Variants in SPAG16 observed in about 807,000 individuals in gnomAD.
SPAG16 encodes the protein sperm-associated antigen 16 protein.
Under a neutral mutation model 80.4 loss-of-function variants are expected in SPAG16, and 86 were observed. That is an observed-to-expected ratio of 1.07 (90% CI 0.90 to 1.28). The LOEUF is 1.28. SPAG16 is among the 50% of genes most tolerant of loss of function. The pLI is 0.00. For missense variants in SPAG16, 870 were observed against 765.3 expected (o/e 1.14, Z -1.61); for synonymous variants, 294 against 265.9 (o/e 1.11, Z -1.03).
chr2:213,707,634 C>T (rs577002098), intron 10 of SPAG16, among the ~76,000 whole-genome samples: 1 of 152,244 alleles, frequency 6.6e-6, no homozygotes, highest in South Asian at 2.1e-4. Flanking sequence ...CATTCTGCCT[C>T]ATTGCCTATC....
intron 10 of SPAG16, among the ~76,000 whole-genome samples, chr2:213,797,751 T>C (rs539294209): frequency 1.3e-5 from 2 of 152,346 alleles, no homozygotes; most frequent in Admixed American, 6.5e-5. Flanking sequence ...TTTCCCAGTT[T>C]GGGGGCATTG....
intron 10 of SPAG16, among the ~76,000 whole-genome samples, chr2:213,581,569 T>C (rs1259103618): frequency 6.6e-6 from 1 of 152,036 alleles, no homozygotes; most frequent in Non-Finnish European, 1.5e-5. Context: ...TAGCCATGAA[T>C]TGTTGCTCTC....
chr2:213,297,490 G>C, intron 3 of SPAG16, 133 bp downstream of exon 3: 1 of 524,670 alleles, frequency 1.9e-6, no homozygotes, highest in Middle Eastern at 3.0e-4. Context: ...CTGTTTATTT[G>C]TGATCAAGCC....
intron 15 of SPAG16, among the ~76,000 whole-genome samples, chr2:214,224,724 G>T (rs1184224208): frequency 1.3e-5 from 2 of 152,076 alleles, no homozygotes; most frequent in Non-Finnish European, 2.9e-5. Flanking sequence ...TGTTTTACTT[G>T]TTGAAAGTAA....
At chr2:214,267,801 A>G (rs952728430) in intron 15 of SPAG16, among the ~76,000 whole-genome samples, 4 of 151,856 alleles carry the variant, frequency 2.6e-5, no homozygotes, top group Admixed American at 2.6e-4. Context: ...TAGAAAAAAA[A>G]TCCTAGAATT....
At chr2:213,851,440 G>A (rs928618283) in intron 10 of SPAG16, among the ~76,000 whole-genome samples, 22 of 152,150 alleles carry the variant, frequency 1.4e-4, no homozygotes, top group Admixed American at 1.0e-3. Context: ...CCCAGTAGGC[G>A]GAGGTTGCAG....
intron 13 of SPAG16, among the ~76,000 whole-genome samples, chr2:214,015,836 A>G (rs2047565935): frequency 6.6e-6 from 1 of 152,098 alleles, no homozygotes; most frequent in Admixed American, 6.6e-5. Flanking sequence ...CCTTTTTAGA[A>G]GATGATTTTG....
intron 10 of SPAG16, among the ~76,000 whole-genome samples, chr2:213,835,628 A>G (rs2125737262): frequency 6.6e-6 from 1 of 152,276 alleles, no homozygotes; most frequent in Admixed American, 6.5e-5. Context: ...TCAAGTGATT[A>G]CATAATGAAA....
intron 15 of SPAG16, among the ~76,000 whole-genome samples, chr2:214,380,303 T>C (rs1334284564): frequency 2.0e-5 from 3 of 152,234 alleles, no homozygotes; most frequent in Non-Finnish European, 2.9e-5. Flanking sequence ...TGCAAAATGT[T>C]TGTTAGCATT....
intron 15 of SPAG16, among the ~76,000 whole-genome samples, chr2:214,291,450 C>A (rs968306551): frequency 6.7e-6 from 1 of 149,722 alleles, no homozygotes; most frequent in African/African-American, 2.5e-5. Flanking sequence ...GGACTACAGG[C>A]GCCCGCCACT....
At chr2:213,625,144 A>G (rs760539591) in intron 10 of SPAG16, among the ~76,000 whole-genome samples, 4 of 152,116 alleles carry the variant, frequency 2.6e-5, no homozygotes, top group East Asian at 1.9e-4. Flanking sequence ...TACTTACTTC[A>G]TGTATTAGTC....
chr2:213,834,170 C>T (rs2073955171), intron 10 of SPAG16, among the ~76,000 whole-genome samples: 1 of 152,118 alleles, frequency 6.6e-6, no homozygotes, highest in Admixed American at 6.5e-5. Flanking sequence ...TGAGGCCTCC[C>T]CAGCCATGTG....
intron 11 of SPAG16, among the ~76,000 whole-genome samples, chr2:213,871,712 T>C (rs1461274344): frequency 6.6e-6 from 1 of 152,018 alleles, no homozygotes; most frequent in African/African-American, 2.4e-5. Flanking sequence ...ATTGGGTGAC[T>C]TACTGGTTCA....
intron 13 of SPAG16, among the ~76,000 whole-genome samples, chr2:214,072,411 A>T (rs993130409): frequency 6.6e-6 from 1 of 152,146 alleles, no homozygotes; most frequent in African/African-American, 2.4e-5. Flanking sequence ...CTTATTAAAC[A>T]TATAACATCA....
chr2:214,125,571 G>T (rs1222743087), intron 14 of SPAG16, among the ~76,000 whole-genome samples: 1 of 151,710 alleles, frequency 6.6e-6, no homozygotes, highest in Non-Finnish European at 1.5e-5. Flanking sequence ...AGGACAGTCT[G>T]TTAGAAATAA....
intron 9 of SPAG16, among the ~76,000 whole-genome samples, chr2:213,465,440 G>T (rs890965998): frequency 2.6e-4 from 40 of 152,190 alleles, no homozygotes; most frequent in Non-Finnish European, 3.8e-4. Context: ...CCTCTAAGGG[G>T]TTTTTTTGAG....
rs367677368 is a variant in SPAG16 at position 213,846,957 on chromosome 2, G to A, written c.1071-15528G>A. ...TCCCATCTCGTCCAGGCTGTGGGCA[G>A]ACTTCAGGTTTAGTGGTTGTAGAAC... On this transcript the variant is annotated intron_variant, in intron 10 of 15. Coordinates refer to ENST00000331683, the MANE Select transcript of SPAG16 (RefSeq NM_024532.5). 3.9e-5 allele frequency among the ~76,000 whole-genome samples: 6 copies of A among 152,292 alleles called. No individual in the cohort carries two copies. The East Asian group carries it at 7.7e-4, about 20-fold the overall frequency.
intron 12 of SPAG16, among the ~76,000 whole-genome samples, chr2:214,006,615 A>G (rs1362138726): frequency 2.0e-5 from 3 of 152,250 alleles, no homozygotes; most frequent in Non-Finnish European, 4.4e-5. Context: ...AGAAAATTGC[A>G]TGAGACTTCA....
chr2:213,869,265 A>AAAAAAAAAAAAAAAAATATATATATACG (rs1491244962), intron 11 of SPAG16, among the ~76,000 whole-genome samples: 7 of 24,804 alleles, frequency 2.8e-4, no homozygotes, highest in Non-Finnish European at 2.0e-3. Flanking sequence ...AAAAAAAAAA[A>AAAAAAAAAAAAAAAAATATATATATACG]TATATATATA....
Sources: allele counts gnomAD v4.1 joint callset (sites outside exome capture counted in the v4.1 genomes callset), GRCh38; gene constraint gnomAD v4.1.1; transcripts MANE v1.5; gene names NCBI Gene and HGNC (gene_info 2026-07-23, HGNC 2026-07-21).